OCM2: variants seen among roughly 807,000 people sequenced by gnomAD.
OCM2 encodes the protein oncomodulin 2.
Under a neutral mutation model 13.6 loss-of-function variants are expected in OCM2, and 6 were observed. That is an observed-to-expected ratio of 0.44 (90% CI 0.24 to 0.87). OCM2 has a LOEUF of 0.87. OCM2 is among the 40% of genes least tolerant of loss of function. The pLI is 0.22. For synonymous variants in OCM2, 40 were observed against 50.7 expected (o/e 0.79, Z 0.90); for missense variants, 118 against 136.8 (o/e 0.86, Z 0.68).
At chr7:97,985,523 C>T (rs1562865219) in intron 3 of OCM2, among the ~76,000 whole-genome samples, 1 of 152,172 alleles carries the variant, frequency 6.6e-6, no homozygotes. Context: ...TCTGAACAAT[C>T]TTATTTAACA....
At chr7:97,986,691 G>T in intron 3 of OCM2, among the ~76,000 whole-genome samples, 1 of 152,122 alleles carries the variant, frequency 6.6e-6, no homozygotes, top group East Asian at 1.9e-4. Context: ...ATTCTGAGGG[G>T]TTCAAACCCC....
rs549598877 is a variant in OCM2 at position 97,990,137 on chromosome 7, C to T, written c.-33G>A. On this transcript the variant is annotated 5_prime_UTR_variant, in exon 1 of 4. Coordinates refer to ENST00000257627, the Ensembl canonical transcript of OCM2. ...CTACTCACACAGAATAAACGAGAGG[C>T]GATAAGCCACAAACAGGAACGTGCA... 1.4e-5 allele frequency: 22 copies of T among 1,604,446 alleles called. 1 individual carries two copies. The highest frequency in any genetic ancestry group is 1.2e-4 in the South Asian group (11 of 90,792).
At chr7:97,984,950 T>C (rs1794655365) in exon 4 of OCM2, 2 of 1,612,670 alleles carry the variant, frequency 1.2e-6, no homozygotes, top group Non-Finnish European at 1.7e-6. Flanking sequence ...CTCCAGAGAC[T>C]GGGGCTTTTA....
At chr7:97,988,741 C>G (rs1192979127) in intron 1 of OCM2, among the ~76,000 whole-genome samples, 193 bp from the exon 2 acceptor site, 1 of 149,278 alleles carries the variant, frequency 6.7e-6, no homozygotes, top group Non-Finnish European at 1.5e-5. Flanking sequence ...CCCCTCCGCC[C>G]CGGTCTTCCC....
At chr7:97,988,933 CT>C (rs67400420) in intron 1 of OCM2, among the ~76,000 whole-genome samples, 126 of 134,570 alleles carry the variant, frequency 9.4e-4, no homozygotes, top group Non-Finnish European at 1.1e-3. Context: ...TTCTTTCTTT[CT>C]TTTTTTTTTT....
intron 3 of OCM2, 71 bp downstream of exon 3, chr7:97,986,976 C>T: frequency 6.2e-7 from 1 of 1,601,366 alleles, no homozygotes; most frequent in Non-Finnish European, 8.5e-7. Context: ...TTGGTTTGAT[C>T]TCACAGCCCA....
chr7:97,990,024 C>G lies in OCM2; in HGVS notation c.61+20G>C. The G allele has an allele frequency of 6.6e-7, 1 of 1,512,576 alleles. No individual in the cohort carries two copies. Among genetic ancestry groups the G allele is most frequent in the Non-Finnish European group, 9.2e-7 (1 of 1,088,142 alleles). 93.7% of individuals were successfully genotyped at this position (1,512,576 alleles called of 1,614,324 possible). The stretch of plus-strand genomic sequence containing the variant: ...GCAAAGCTGTGAGGAAATCCCACCC[C>G]CGCCCCACGTCCCCTCTACCTTGGC... On this transcript the variant is annotated intron_variant, in intron 1 of 3. Transcript: ENST00000257627.
chr7:97,987,115 G>A, exon 3 of OCM2: 1 of 1,613,880 alleles, frequency 6.2e-7, no homozygotes, highest in South Asian at 1.1e-5. Context: ...TTCTGACTCG[G>A]TCAGTTCTCT....
At chr7:97,990,023 C>CCCCCA in intron 1 of OCM2, 21 bp downstream of exon 1, 1 of 1,495,562 alleles carries the variant, frequency 6.7e-7, no homozygotes, top group Non-Finnish European at 9.3e-7. Flanking sequence ...AAATCCCACC[C>CCCCCA]CCGCCCCACG....
chr7:97,984,975 C>A lies in OCM2; in HGVS notation c.313G>T (p.Glu105Ter). 2 of 1,614,080 alleles carry A rather than the reference C, an allele frequency of 1.2e-6. No homozygotes were observed. Among genetic ancestry groups the A allele is most frequent in the Non-Finnish European group, 1.7e-6 (2 of 1,179,994 alleles). ...TGGGGCTTTTAAGAATGCACCATTT[C>A]CTGGAATTCTAGAACAGAAGAGGTG... The change falls in exon 4 of 4, where the codon GAA becomes TAA. Residue 105 changes from glutamate (E) to a stop codon, truncating the protein, a stop_gained. Coordinates refer to ENST00000257627, the Ensembl canonical transcript of OCM2. LOFTEE classifies it high-confidence loss of function.
intron 2 of OCM2, among the ~76,000 whole-genome samples, chr7:97,987,681 TTTTA>T (rs573798291): frequency 4.1e-5 from 6 of 144,632 alleles, no homozygotes; most frequent in Non-Finnish European, 9.1e-5. Context: ...TGGTTTTAAT[TTTTA>T]TTTATTTATT....
chr7:97,988,351 C>A, intron 2 of OCM2, 65 bp downstream of exon 2: 1 of 1,597,826 alleles, frequency 6.3e-7, no homozygotes, highest in East Asian at 2.2e-5. Context: ...AGCAACCTGG[C>A]CCCCACTGCA....
chr7:97,989,712 ATTT>A (rs1344192037), intron 1 of OCM2, among the ~76,000 whole-genome samples: 2 of 136,634 alleles, frequency 1.5e-5, no homozygotes, highest in Non-Finnish European at 1.6e-5. Flanking sequence ...CCTGGTCTAC[ATTT>A]TTTTTTTTTT....
intron 2 of OCM2, among the ~76,000 whole-genome samples, chr7:97,987,871 A>G (rs1230335918): frequency 1.3e-5 from 2 of 151,984 alleles, no homozygotes; most frequent in Non-Finnish European, 2.9e-5. Context: ...TTTAAAGTCC[A>G]TTTGCCAAAG....
chr7:97,987,300 A>G, intron 2 of OCM2, 144 bp from the exon 3 acceptor site: 1 of 902,260 alleles, frequency 1.1e-6, no homozygotes, highest in Non-Finnish European at 1.7e-6. Flanking sequence ...GGTTTCCTTA[A>G]GCTGTAGAAA....
At chr7:97,990,016 T>TGGCACCC in intron 1 of OCM2, 28 bp downstream of exon 1, 1 of 1,083,836 alleles carries the variant, frequency 9.2e-7, no homozygotes. Flanking sequence ...TGTGAGGAAA[T>TGGCACCC]CCCACCCCCG....
chr7:97,987,282 C>A, intron 2 of OCM2, 126 bp from the exon 3 acceptor site: 5 of 1,046,150 alleles, frequency 4.8e-6, no homozygotes, highest in Non-Finnish European at 7.1e-6. Context: ...AAGGTCTTAG[C>A]AAGCAAAGGT....
intron 2 of OCM2, 118 bp from the exon 3 acceptor site, chr7:97,987,274 G>A (rs1381445864): frequency 8.5e-7 from 1 of 1,178,420 alleles, no homozygotes; most frequent in African/African-American, 1.5e-5. Flanking sequence ...AATTAGCCAA[G>A]GTCTTAGCAA....
intron 1 of OCM2, 28 bp downstream of exon 1, chr7:97,990,016 T>TGACACCCC: frequency 9.2e-7 from 1 of 1,083,840 alleles, no homozygotes; most frequent in Non-Finnish European, 1.4e-6. Context: ...TGTGAGGAAA[T>TGACACCCC]CCCACCCCCG....
Sources: allele counts gnomAD v4.1 joint callset (sites outside exome capture counted in the v4.1 genomes callset), GRCh38; gene constraint gnomAD v4.1.1; transcripts MANE v1.5; gene names NCBI Gene and HGNC (gene_info 2026-07-23, HGNC 2026-07-21).